HPSE2: variants seen among roughly 807,000 people sequenced by gnomAD.
The protein encoded by HPSE2 is inactive heparanase-2.
A neutral mutation model predicts 60.5 loss-of-function variants in HPSE2; 38 were observed. The observed-to-expected ratio is 0.63, with a 90% CI of 0.48 to 0.82. The LOEUF is 0.82. HPSE2 is among the 40% of genes least tolerant of loss of function. The pLI, the probability that HPSE2 is intolerant of heterozygous loss-of-function variation, is 0.00. For missense variants in HPSE2, 713 were observed against 740.4 expected, an observed-to-expected ratio of 0.96 and a Z score of 0.43; for synonymous variants, 295 against 293.2, an observed-to-expected ratio of 1.01 and a Z score of -0.06.
chr10:99,269,189 T>A, the HPSE2 span, among the ~76,000 whole-genome samples: 1 of 150,978 alleles, frequency 6.6e-6, no homozygotes, highest in Non-Finnish European at 1.5e-5. Flanking sequence ...CAATCGAGTA[T>A]CTGCTGTCTT....
At chr10:99,256,398 A>T in the HPSE2 span, among the ~76,000 whole-genome samples, 1 of 2,026 alleles carries the variant, frequency 4.9e-4, no homozygotes, top group African/African-American at 1.6e-3. Context: ...CTACAAGATG[A>T]CTCACCAAAC....
rs972747170 is a variant in HPSE2 at position 98,893,059 on chromosome 10, T to TTTTA, written c.611-149007_611-149004dup. ...ATTTATTTTTCATTTTTATTTTTAA[T>TTTTA]TTTATTTATTTATTTATTTATTTTT... On this transcript the variant is annotated intron_variant, in intron 3 of 11. Transcript: ENST00000370552. 1.0e-3 allele frequency among the ~76,000 whole-genome samples: 152 copies of TTTTA among 151,976 alleles called. 2 individuals carry two copies. Among genetic ancestry groups the TTTTA allele is most frequent in the Admixed American group, 9.3e-3 (142 of 15,228 alleles).
At chr10:99,230,021 G>A (rs1036239506) in intron 2 of HPSE2, among the ~76,000 whole-genome samples, 1 of 152,094 alleles carries the variant, frequency 6.6e-6, no homozygotes. Context: ...AGCTTCAAAG[G>A]GCAGAAATAG....
chr10:98,498,146 G>A (rs543004182), intron 9 of HPSE2, among the ~76,000 whole-genome samples: 8 of 152,216 alleles, frequency 5.3e-5, no homozygotes, highest in African/African-American at 1.4e-4. Flanking sequence ...AGCAGCATGC[G>A]GAGGCTCGCA....
chr10:98,689,801 G>T (rs1413665619), intron 6 of HPSE2, among the ~76,000 whole-genome samples: 1 of 152,148 alleles, frequency 6.6e-6, no homozygotes, highest in Non-Finnish European at 1.5e-5. Flanking sequence ...TTTTGGACAA[G>T]TCTGTTTTGG....
intron 4 of HPSE2, among the ~76,000 whole-genome samples, chr10:98,742,344 CTTATT>C (rs902859421): frequency 6.6e-6 from 1 of 152,102 alleles, no homozygotes; most frequent in African/African-American, 2.4e-5. Context: ...CCCTTGCCAT[CTTATT>C]TTGAGAAATC....
intron 2 of HPSE2, among the ~76,000 whole-genome samples, chr10:99,203,904 G>A (rs944619453): frequency 4.1e-5 from 6 of 146,926 alleles, no homozygotes; most frequent in Admixed American, 1.4e-4. Context: ...GCCCACTCCA[G>A]CAGACCCTGG....
At chr10:99,102,662 T>G (rs944015324) in intron 3 of HPSE2, among the ~76,000 whole-genome samples, 7 of 152,076 alleles carry the variant, frequency 4.6e-5, no homozygotes, top group African/African-American at 1.2e-4. Flanking sequence ...TACCAAAGCC[T>G]GGCAGAGACA....
At chr10:98,582,640 T>C (rs1241867117) in intron 9 of HPSE2, among the ~76,000 whole-genome samples, 1 of 152,222 alleles carries the variant, frequency 6.6e-6, no homozygotes, top group African/African-American at 2.4e-5. Flanking sequence ...ATTCCACTTC[T>C]GAAGTTTTGC....
At chr10:98,684,989 T>C (rs1212210820) in intron 6 of HPSE2, among the ~76,000 whole-genome samples, 1 of 152,180 alleles carries the variant, frequency 6.6e-6, no homozygotes, top group Non-Finnish European at 1.5e-5. Flanking sequence ...TTAGGTGTAA[T>C]AGGTTAGGTT....
At chr10:99,093,961 T>A (rs1018665135) in intron 3 of HPSE2, among the ~76,000 whole-genome samples, 69 of 152,306 alleles carry the variant, frequency 4.5e-4, no homozygotes, top group African/African-American at 1.6e-3. Context: ...TATTTTCAAT[T>A]TTTCAACTTT....
intron 3 of HPSE2, among the ~76,000 whole-genome samples, chr10:99,086,147 T>G (rs73324235): frequency 6.6e-6 from 1 of 152,146 alleles, no homozygotes; most frequent in Non-Finnish European, 1.5e-5. Flanking sequence ...ATATATAGTA[T>G]AGTATGTCTG....
chr10:99,160,008 G>T (rs992253531), intron 2 of HPSE2, among the ~76,000 whole-genome samples: 1 of 151,878 alleles, frequency 6.6e-6, no homozygotes, highest in African/African-American at 2.4e-5. Context: ...AGGCATGGTG[G>T]CACATGCCTT....
chr10:98,727,137 C>T (rs1949106146), intron 4 of HPSE2, among the ~76,000 whole-genome samples: 1 of 152,008 alleles, frequency 6.6e-6, no homozygotes, highest in Non-Finnish European at 1.5e-5. Context: ...TCAAGGGAGA[C>T]AGACTCTATA....
intron 3 of HPSE2, among the ~76,000 whole-genome samples, chr10:99,069,405 C>T (rs899211125): frequency 6.6e-6 from 1 of 151,954 alleles, no homozygotes; most frequent in South Asian, 2.1e-4. Flanking sequence ...ATCATGAGAG[C>T]TAGACCTCGC....
chr10:98,831,938 G>A (rs1476761500), intron 3 of HPSE2, among the ~76,000 whole-genome samples: 1 of 152,164 alleles, frequency 6.6e-6, no homozygotes, highest in Non-Finnish European at 1.5e-5. Flanking sequence ...ATCCACAGCT[G>A]GTAAAGAGGT....
rs141418177 is a variant in HPSE2, at chr10:99,125,672, C to G, written c.610+18566G>C. ...AAAGCGTGAGAGGGGGAAAACATGC[C>G]TCTGAACACACATCCCCAATGGGGA... On this transcript the variant is annotated intron_variant, in intron 3 of 11. Coordinates refer to ENST00000370552, the MANE Select transcript of HPSE2 (RefSeq NM_021828.5). 9.1e-3 allele frequency among the ~76,000 whole-genome samples: 1,392 copies of G among 152,308 alleles called. 17 individuals carry two copies. Among genetic ancestry groups the G allele is most frequent in the African/African-American group, 0.031 (1,298 of 41,564 alleles).
rs578185742 is a variant in HPSE2 at position 99,064,667 on chromosome 10, A to G, written c.610+79571T>C. 2.6e-4 allele frequency among the ~76,000 whole-genome samples: 39 copies of G among 151,712 alleles called. No individual in the cohort carries two copies. The South Asian group carries it at 7.1e-3, about 28-fold the overall frequency. On this transcript the variant is annotated intron_variant, in intron 3 of 11. Transcript: ENST00000370552. ...AACCAACATGAACTTCCTTCTTAACATTTAAAAGTTTTGCCAATTATTAAA... is the reference window on the plus strand; with the variant it reads ...AACCAACATGAACTTCCTTCTTAACGTTTAAAAGTTTTGCCAATTATTAAA...
intron 3 of HPSE2, among the ~76,000 whole-genome samples, chr10:98,945,509 T>A (rs138621311): frequency 1.2e-4 from 18 of 152,248 alleles, no homozygotes; most frequent in African/African-American, 3.1e-4. Flanking sequence ...TTATGATCCA[T>A]CAACATAATG....
Sources: gnomAD v4.1 joint callset for allele counts (sites outside exome capture counted in the v4.1 genomes callset) on GRCh38, gnomAD v4.1.1 for gene constraint, MANE v1.5 for transcripts, NCBI Gene and HGNC (gene_info 2026-07-23, HGNC 2026-07-21) for gene names.